NAA25: variants seen among roughly 807,000 people sequenced by gnomAD.
The protein encoded by NAA25 is N-terminal acetyltransferase B complex subunit NAA25.
In NAA25, 30 loss-of-function variants were observed where a neutral mutation model predicts 132.5. That is an observed-to-expected ratio of 0.23 (90% CI 0.17 to 0.31). The LOEUF is 0.31. NAA25 is among the 10% of genes least tolerant of loss of function. NAA25 has a pLI of 1.00. For synonymous variants in NAA25, 359 were observed against 401.9 expected, an observed-to-expected ratio of 0.89 and a Z score of 1.28; for missense variants, 771 against 1,150.4, an observed-to-expected ratio of 0.67 and a Z score of 4.77.
intron 1 of NAA25, among the ~76,000 whole-genome samples, chr12:112,094,158 G>A (rs756307436): frequency 4.6e-4 from 69 of 149,304 alleles, no homozygotes; most frequent in Non-Finnish European, 8.4e-4. Flanking sequence ...GGAGAATGGC[G>A]TGAACCCAGG....
At chr12:112,088,088 C>G (rs2079080005) in intron 3 of NAA25, among the ~76,000 whole-genome samples, 1 of 152,146 alleles carries the variant, frequency 6.6e-6, no homozygotes, top group Non-Finnish European at 1.5e-5. Context: ...ATTTGTAGTT[C>G]CACCAGATTC....
In NAA25 at chr12:112,047,649, G is replaced by A. The variant is rs373834364; in HGVS notation, c.2006+16C>T. ...ACAAAAACTTTAAAAATTGCTTGGG[G>A]TTAAATTCCAGTTACCTGTCTTTTG... On this transcript the variant is annotated intron_variant, in intron 17 of 23. Transcript: ENST00000261745. 6.2e-6 allele frequency: 10 copies of A among 1,606,620 alleles called. No individual in the cohort carries two copies. Among genetic ancestry groups the A allele is most frequent in the African/African-American group, 5.4e-5 (4 of 74,222 alleles).
At chr12:112,041,952 A>T (rs1173190885) in intron 20 of NAA25, 87 bp downstream of exon 20, 8 of 748,834 alleles carry the variant, frequency 1.1e-5, no homozygotes, top group Non-Finnish European at 1.7e-5. Context: ...TCTCTGGGTG[A>T]TTGGGCTTGG....
chr12:112,094,240 C>CAAA (rs199734463), intron 1 of NAA25, among the ~76,000 whole-genome samples: 27 of 69,066 alleles, frequency 3.9e-4, no homozygotes, highest in East Asian at 1.5e-3. Context: ...GACTCTGTCT[C>CAAA]AAAAAAAAAA....
In NAA25 at chr12:112,095,086, G is replaced by A. The variant is rs189110163; in HGVS notation, c.59-1950C>T. ...GAAGGCTGAAGCGGGAGGATAACTT[G>A]AGGCCAGAAGTACAAGACCAGCCCA... On this transcript the variant is annotated intron_variant, in intron 1 of 23. Coordinates refer to ENST00000261745, the MANE Select transcript of NAA25 (RefSeq NM_024953.4). Among the ~76,000 whole-genome samples the A allele has an allele frequency of 1.7e-3, 262 of 152,252 alleles. 13 individuals are homozygous for A. The highest frequency in any genetic ancestry group is 0.016 in the Admixed American group (238 of 15,272).
intron 5 of NAA25, among the ~76,000 whole-genome samples, chr12:112,078,987 C>T (rs780479771): frequency 3.9e-5 from 6 of 152,004 alleles, no homozygotes; most frequent in African/African-American, 7.3e-5. Context: ...GCATTTAAGT[C>T]GGTTATTTAT....
chr12:112,080,729 G>C (rs1041231929), intron 5 of NAA25, among the ~76,000 whole-genome samples: 12 of 152,078 alleles, frequency 7.9e-5, no homozygotes, highest in Admixed American at 3.3e-4. Flanking sequence ...TCGATTTCCT[G>C]ACCTCGTGAT....
chr12:112,028,443 T>A lies in NAA25; in HGVS notation c.*1088A>T, dbSNP rs1264939393. The A allele has an allele frequency of 6.6e-6, 1 of 152,398 alleles. No homozygotes were observed. Among genetic ancestry groups the A allele is most frequent in the Non-Finnish European group, 1.5e-5 (1 of 68,046 alleles). 9.4% of individuals were successfully genotyped at this position (152,398 alleles called of 1,614,324 possible). ...ATCCAGGTGAACAAAGTAAACACCA[T>A]CCTGTTATAATTCTCTAAGTTTGAA... On this transcript the variant is annotated 3_prime_UTR_variant, in exon 24 of 24. Transcript: ENST00000261745.
intron 1 of NAA25, among the ~76,000 whole-genome samples, chr12:112,100,883 G>C (rs2079286041): frequency 6.6e-6 from 1 of 152,094 alleles, no homozygotes; most frequent in African/African-American, 2.4e-5. Flanking sequence ...CTCCCAAAGT[G>C]CTGGGATTAC....
chr12:112,080,368 A>G (rs2078955741), intron 5 of NAA25, among the ~76,000 whole-genome samples: 1 of 150,668 alleles, frequency 6.6e-6, no homozygotes, highest in Non-Finnish European at 1.5e-5. Flanking sequence ...ACATGCTGCA[A>G]CACATTACAC....
At chr12:112,063,088 G>A (rs1828006829) in intron 11 of NAA25, among the ~76,000 whole-genome samples, 2 of 151,716 alleles carry the variant, frequency 1.3e-5, no homozygotes, top group Admixed American at 6.6e-5. Flanking sequence ...AATAATACAT[G>A]AAGAAATGAG....
At chr12:112,094,240 CAAAAA>C (rs199734463) in intron 1 of NAA25, among the ~76,000 whole-genome samples, 2 of 69,286 alleles carry the variant, frequency 2.9e-5, no homozygotes, top group Non-Finnish European at 3.2e-5. Context: ...GACTCTGTCT[CAAAAA>C]AAAAAAAAAA....
intron 1 of NAA25, among the ~76,000 whole-genome samples, chr12:112,099,277 C>T (rs985049003): frequency 2.2e-5 from 3 of 137,076 alleles, no homozygotes; most frequent in East Asian, 2.7e-4. Context: ...CATGAGCTGT[C>T]GCACTCGGCC....
chr12:112,037,121 G>A (rs1333448249), intron 22 of NAA25, among the ~76,000 whole-genome samples: 1 of 151,480 alleles, frequency 6.6e-6, no homozygotes, highest in East Asian at 1.9e-4. Flanking sequence ...AACTGATGAG[G>A]ACATGTTAAA....
chr12:112,077,273 A>G (rs6489825), intron 7 of NAA25, among the ~76,000 whole-genome samples: 69,113 of 151,476 alleles, frequency 0.46, 20,011 homozygotes, highest in East Asian at 0.9. Context: ...AGGAGTTTGA[A>G]ACCAGCCTGG....
chr12:112,052,960 G>T (rs2339941), intron 15 of NAA25, among the ~76,000 whole-genome samples: 53,913 of 152,088 alleles, frequency 0.35, 13,985 homozygotes, highest in East Asian at 0.85. Flanking sequence ...CAAAAACCTC[G>T]GCTTAACCAA....
At chr12:112,039,421 A>T in intron 21 of NAA25, 82 bp from the exon 22 acceptor site, 1 of 800,686 alleles carries the variant, frequency 1.2e-6, no homozygotes, top group East Asian at 2.5e-5. Flanking sequence ...GGATTCAACA[A>T]ATTCTAACGC....
chr12:112,061,433 A>G, intron 11 of NAA25, 45 bp from the exon 12 acceptor site: 1 of 1,312,670 alleles, frequency 7.6e-7, no homozygotes, highest in Non-Finnish European at 1.1e-6. Context: ...AAACACAACT[A>G]GTCTTCAGTA....
At chr12:112,068,656 A>C (rs988155100) in intron 11 of NAA25, among the ~76,000 whole-genome samples, 1 of 152,230 alleles carries the variant, frequency 6.6e-6, no homozygotes, top group Non-Finnish European at 1.5e-5. Context: ...ACAGTCAAAA[A>C]AAGGAGAATC....
Sources: allele counts gnomAD v4.1 joint callset (sites outside exome capture counted in the v4.1 genomes callset), GRCh38; gene constraint gnomAD v4.1.1; transcripts MANE v1.5; gene names NCBI Gene and HGNC (gene_info 2026-07-23, HGNC 2026-07-21).